Variants in KDM2A observed in about 807,000 individuals in gnomAD.
KDM2A encodes the protein lysine-specific demethylase 2A.
KDM2A carries 3 observed loss-of-function variants against 137.3 expected under a neutral mutation model. That is an observed-to-expected ratio of 0.02 (90% CI 0.01 to 0.06). The LOEUF is 0.06. Ranked by LOEUF, KDM2A falls within the 10% of genes least tolerant of loss-of-function variation. KDM2A has a pLI of 1.00. For synonymous variants in KDM2A, 512 were observed against 541.5 expected (o/e 0.95, Z 0.76); for missense variants, 738 against 1,510.6 (o/e 0.49, Z 8.48).
chr11:67,150,650 T>G (rs180739680), intron 2 of KDM2A, among the ~76,000 whole-genome samples: 1 of 152,250 alleles, frequency 6.6e-6, no homozygotes, highest in East Asian at 1.9e-4. Flanking sequence ...ATCTAAGAGT[T>G]GGAGGATATG....
Position 67,250,161 on chromosome 11 carries a change from C to T in KDM2A, c.2131C>T (p.Pro711Ser). The change falls in exon 17 of 21, where the codon CCT (proline) becomes TCT (serine). Residue 711 changes from proline to serine, a missense_variant. Coordinates refer to ENST00000529006, the MANE Select transcript of KDM2A (RefSeq NM_012308.3). This position sits in a 1 kb window ranked among gnomAD's most constrained non-coding sequence, Gnocchi z 7.1. ...VLRPLRSCDE[P>S]LTPPPHSPTS... The stretch of plus-strand genomic sequence containing the variant: ...GCGGCCCCTGCGGAGCTGCGATGAG[C>T]CTCTCACGCCCCCGCCTCATTCACC... 1 of 1,613,610 alleles carries T rather than the reference C, an allele frequency of 6.2e-7. No individual in the cohort carries two copies. Among genetic ancestry groups the T allele is most frequent in the Non-Finnish European group, 8.5e-7 (1 of 1,179,732 alleles).
intron 2 of KDM2A, among the ~76,000 whole-genome samples, chr11:67,158,559 C>T (rs1036279540): frequency 2.6e-5 from 4 of 152,162 alleles, no homozygotes; most frequent in Non-Finnish European, 5.9e-5. Context: ...TACCTCCTTG[C>T]CAGCATTTGG....
In KDM2A at chr11:67,147,928, C is replaced by T. The variant is rs529263263; in HGVS notation, c.42+26570C>T. ...TCCTGACCTCGTGATTCACCTGCCT[C>T]GACTTCCCAAAGTGCGGGGATTATA... is the stretch of plus-strand genomic sequence containing the variant. On this transcript the variant is annotated intron_variant, in intron 2 of 20. Coordinates refer to ENST00000529006, the MANE Select transcript of KDM2A (RefSeq NM_012308.3). 1.1e-4 allele frequency among the ~76,000 whole-genome samples: 17 copies of T among 152,102 alleles called. No individual in the cohort carries two copies. The South Asian group carries it at 3.1e-3, about 28-fold the overall frequency.
intron 10 of KDM2A, among the ~76,000 whole-genome samples, chr11:67,223,825 A>G (rs1354917654): frequency 3.3e-5 from 5 of 152,186 alleles, no homozygotes; most frequent in African/African-American, 7.2e-5. Flanking sequence ...GTGTTGCTAT[A>G]CTTAAAAGGC....
intron 12 of KDM2A, among the ~76,000 whole-genome samples, chr11:67,232,653 A>G (rs1212044823): frequency 1.5e-5 from 2 of 133,754 alleles, no homozygotes; most frequent in African/African-American, 2.8e-5. Flanking sequence ...TTCATATTGT[A>G]TATTTTTCTT....
chr11:67,159,308 G>C (rs910813824), intron 2 of KDM2A, among the ~76,000 whole-genome samples: 8 of 152,164 alleles, frequency 5.3e-5, no homozygotes, highest in Non-Finnish European at 7.3e-5. Flanking sequence ...CTTTGGTCCT[G>C]TGTCAAAGAT....
chr11:67,230,471 T>C (rs1438836628), intron 11 of KDM2A, among the ~76,000 whole-genome samples: 1 of 151,908 alleles, frequency 6.6e-6, no homozygotes, highest in Non-Finnish European at 1.5e-5. Flanking sequence ...ACAAAAATTT[T>C]TTAAATTAGC....
At chr11:67,225,652 C>A (rs1858518975) in intron 10 of KDM2A, among the ~76,000 whole-genome samples, 1 of 152,010 alleles carries the variant, frequency 6.6e-6, no homozygotes, top group African/African-American at 2.4e-5. Flanking sequence ...TGCCTGTAAT[C>A]CCAGCTACTC....
rs528198230 is a variant in KDM2A at position 67,255,534 on chromosome 11, G to A, written c.*479G>A. 8.8e-6 allele frequency: 4 copies of A among 456,888 alleles called. No homozygotes were observed. Among genetic ancestry groups the A allele is most frequent in the African/African-American group, 4.0e-5 (2 of 50,184 alleles). 28.3% of individuals were successfully genotyped at this position (456,888 alleles called of 1,614,324 possible). A position where few individuals can be genotyped will look rare whatever the true frequency, so the allele number is the denominator to read the frequency against. ...CCTCCATCACACTCTCCCGGCTTGC[G>A]CAGGAGGGGCCAGCAGCCCCAGGAG... On this transcript the variant is annotated 3_prime_UTR_variant, in exon 21 of 21. Transcript: ENST00000529006.
At chr11:67,218,461 C>T (rs1858235732) in intron 9 of KDM2A, among the ~76,000 whole-genome samples, 1 of 152,050 alleles carries the variant, frequency 6.6e-6, no homozygotes, top group African/African-American at 2.4e-5. Context: ...AACCTGCAGG[C>T]CACAGGCCTC....
At position 67,137,675 on chromosome 11, in the gene KDM2A, A is replaced by G. The variant is rs573151442; in HGVS notation, c.42+16317A>G. On this transcript the variant is annotated intron_variant, in intron 2 of 20. Coordinates refer to ENST00000529006, the MANE Select transcript of KDM2A (RefSeq NM_012308.3). ...AGGTTTGGGGACTGAGCAAAGGAGC[A>G]TAAGTTCAGTTTTGAGAAAACTTGA... Among the ~76,000 whole-genome samples the G allele has an allele frequency of 2.4e-4, 37 of 152,324 alleles. 1 individual carries two copies. Among genetic ancestry groups the G allele is most frequent in the African/African-American group, 8.4e-4 (35 of 41,586 alleles).
At chr11:67,143,522 C>T (rs1856171560) in intron 2 of KDM2A, among the ~76,000 whole-genome samples, 1 of 152,096 alleles carries the variant, frequency 6.6e-6, no homozygotes, top group South Asian at 2.1e-4. Flanking sequence ...GAAATTGCCA[C>T]CACTTCAAAA....
intron 2 of KDM2A, among the ~76,000 whole-genome samples, chr11:67,162,651 C>G (rs191931868): frequency 1.8e-4 from 28 of 152,016 alleles, no homozygotes; most frequent in African/African-American, 6.0e-4. Flanking sequence ...AGTGATCCGC[C>G]CGCCTCGGCC....
chr11:67,149,740 GAC>G (rs1347649913), intron 2 of KDM2A, among the ~76,000 whole-genome samples: 2 of 54,170 alleles, frequency 3.7e-5, no homozygotes, highest in Non-Finnish European at 7.7e-5. Context: ...TTTTTTTTTT[GAC>G]AGTGTTTTCT....
At chr11:67,129,502 AGGCG>A (rs1855802305) in intron 2 of KDM2A, among the ~76,000 whole-genome samples, 1 of 152,096 alleles carries the variant, frequency 6.6e-6, no homozygotes, top group African/African-American at 2.4e-5. Context: ...TGGAAGGCCG[AGGCG>A]GGCGGATCAC....
At chr11:67,144,522 G>C (rs1327297122) in intron 2 of KDM2A, among the ~76,000 whole-genome samples, 1 of 151,874 alleles carries the variant, frequency 6.6e-6, no homozygotes, top group African/African-American at 2.4e-5. Flanking sequence ...AAAGTGCTGG[G>C]ATTACAGGTG....
At chr11:67,147,411 G>A (rs1856277575) in intron 2 of KDM2A, among the ~76,000 whole-genome samples, 1 of 151,742 alleles carries the variant, frequency 6.6e-6, no homozygotes, top group African/African-American at 2.4e-5. Flanking sequence ...GTGTGGTGGC[G>A]GGTGCCTGTA....
intron 2 of KDM2A, among the ~76,000 whole-genome samples, chr11:67,172,842 CTA>C (rs1856906812): frequency 6.6e-6 from 1 of 151,932 alleles, no homozygotes; most frequent in South Asian, 2.1e-4. Flanking sequence ...TGTCTTGTTC[CTA>C]ATCTTAGGGG....
intron 3 of KDM2A, 58 bp downstream of exon 3, chr11:67,180,275 G>A: frequency 6.5e-7 from 1 of 1,549,746 alleles, no homozygotes; most frequent in Non-Finnish European, 8.8e-7. Flanking sequence ...CATAGACTCT[G>A]AGCATTGGGG....
Sources: gnomAD v4.1 joint callset for allele counts (sites outside exome capture counted in the v4.1 genomes callset) on GRCh38, gnomAD v4.1.1 for gene constraint, Gnocchi (gnomAD v3.1) non-coding constraint, MANE v1.5 for transcripts, NCBI Gene and HGNC (gene_info 2026-07-23, HGNC 2026-07-21) for gene names.